HPSE2: variants seen among roughly 807,000 people sequenced by gnomAD.
HPSE2 encodes inactive heparanase-2.
In HPSE2, 38 loss-of-function variants were observed where a neutral mutation model predicts 60.5. The observed-to-expected ratio is 0.63, with a 90% CI of 0.48 to 0.82. HPSE2 has a LOEUF of 0.82. HPSE2 is among the 40% of genes least tolerant of loss of function. The probability of loss-of-function intolerance (pLI) is 0.00; values close to 1 mark genes in which losing one functional copy is unlikely to be tolerated. For synonymous variants in HPSE2, 295 were observed against 293.2 expected (o/e 1.01, Z -0.06); for missense variants, 713 against 740.4 (o/e 0.96, Z 0.43).
chr10:98,499,417 T>C (rs1941957602), intron 9 of HPSE2, among the ~76,000 whole-genome samples: 1 of 152,146 alleles, frequency 6.6e-6, no homozygotes, highest in Admixed American at 6.6e-5. Context: ...TCATATATGA[T>C]GGAAAAATAC....
intron 3 of HPSE2, among the ~76,000 whole-genome samples, chr10:98,939,886 C>G (rs1219225879): frequency 6.9e-6 from 1 of 144,004 alleles, no homozygotes; most frequent in Non-Finnish European, 1.5e-5. Flanking sequence ...AACTGTCTCT[C>G]AGACCACAGT....
chr10:98,551,814 C>T (rs1943872712), intron 9 of HPSE2, among the ~76,000 whole-genome samples: 1 of 152,136 alleles, frequency 6.6e-6, no homozygotes, highest in Non-Finnish European at 1.5e-5. Flanking sequence ...CTAATTGATA[C>T]AGCACTGTAT....
chr10:99,013,384 T>C (rs1589516503), intron 3 of HPSE2: 2 of 564,286 alleles, frequency 3.5e-6, no homozygotes, highest in East Asian at 8.1e-5. Flanking sequence ...ATACAGACTC[T>C]GTGTTAGTAT....
intron 9 of HPSE2, among the ~76,000 whole-genome samples, chr10:98,493,739 C>A (rs1941736795): frequency 4.6e-5 from 7 of 152,068 alleles, no homozygotes; most frequent in Admixed American, 3.3e-4. Flanking sequence ...CTTTTAAAAT[C>A]TTTTCTGCCA....
At chr10:98,844,928 T>C (rs1009797094) in intron 3 of HPSE2, among the ~76,000 whole-genome samples, 1 of 152,212 alleles carries the variant, frequency 6.6e-6, no homozygotes, top group African/African-American at 2.4e-5. Flanking sequence ...CGCTCTTCCA[T>C]TAGCAAATTA....
chr10:99,066,453 T>C (rs1842621330), intron 3 of HPSE2, among the ~76,000 whole-genome samples: 1 of 152,106 alleles, frequency 6.6e-6, no homozygotes, highest in African/African-American at 2.4e-5. Context: ...ATGATGCTAA[T>C]AAAAACATAT....
chr10:99,243,128 C>A, the HPSE2 span, among the ~76,000 whole-genome samples: 2 of 152,000 alleles, frequency 1.3e-5, no homozygotes, highest in South Asian at 4.2e-4. Context: ...CTGAGGCAGG[C>A]GGATCACGAG....
chr10:98,564,243 G>A (rs1382024700), intron 9 of HPSE2, among the ~76,000 whole-genome samples: 1 of 152,136 alleles, frequency 6.6e-6, no homozygotes, highest in East Asian at 1.9e-4. Flanking sequence ...GAGAGCGTAG[G>A]CTCTAGATCC....
At chr10:99,000,171 T>C (rs1397537700) in intron 3 of HPSE2, among the ~76,000 whole-genome samples, 2 of 152,084 alleles carry the variant, frequency 1.3e-5, no homozygotes, top group East Asian at 1.9e-4. Context: ...TTACTGGCTA[T>C]GGAAAACAAG....
chr10:99,065,010 A>G (rs991504280), intron 3 of HPSE2, among the ~76,000 whole-genome samples: 2 of 152,182 alleles, frequency 1.3e-5, no homozygotes, highest in African/African-American at 4.8e-5. Flanking sequence ...TTCCTAGAAC[A>G]TGAAGCTTTC....
intron 3 of HPSE2, among the ~76,000 whole-genome samples, chr10:98,831,266 G>A (rs1951677460): frequency 6.6e-6 from 1 of 152,084 alleles, no homozygotes; most frequent in African/African-American, 2.4e-5. Context: ...TTTGCAGGAG[G>A]GTGTAGTCCT....
At chr10:98,537,812 C>T (rs1450928463) in intron 9 of HPSE2, among the ~76,000 whole-genome samples, 2 of 152,244 alleles carry the variant, frequency 1.3e-5, no homozygotes, top group Non-Finnish European at 2.9e-5. Context: ...CTGCAGTCAT[C>T]CGGAGGCCTA....
At chr10:98,624,576 C>T (rs1188993867) in intron 7 of HPSE2, among the ~76,000 whole-genome samples, 1 of 152,086 alleles carries the variant, frequency 6.6e-6, no homozygotes, top group Admixed American at 6.5e-5. Flanking sequence ...GTAAAGATCC[C>T]TGCAGCTGCT....
intron 3 of HPSE2, among the ~76,000 whole-genome samples, chr10:99,099,218 G>T (rs905718860): frequency 2.0e-5 from 3 of 152,236 alleles, no homozygotes; most frequent in Admixed American, 2.0e-4. Flanking sequence ...GCAAGTGCAA[G>T]GGGTCAGGGA....
intron 3 of HPSE2, among the ~76,000 whole-genome samples, chr10:99,143,212 A>G (rs1227624579): frequency 6.6e-6 from 1 of 152,192 alleles, no homozygotes. Context: ...GCCACATTTA[A>G]GTCTGGCTTT....
At chr10:98,558,606 T>A (rs1164325054) in intron 9 of HPSE2, among the ~76,000 whole-genome samples, 1 of 152,296 alleles carries the variant, frequency 6.6e-6, no homozygotes, top group Middle Eastern at 3.4e-3. Flanking sequence ...CAGACAGCAA[T>A]GACTAGAAGG....
intron 3 of HPSE2, among the ~76,000 whole-genome samples, chr10:98,859,409 C>T (rs1024630317): frequency 6.6e-6 from 1 of 152,102 alleles, no homozygotes; most frequent in South Asian, 2.1e-4. Context: ...GAGGGTGTTT[C>T]TGGAAGAGAT....
At chr10:98,853,551 A>T (rs1952233935) in intron 3 of HPSE2, among the ~76,000 whole-genome samples, 1 of 151,954 alleles carries the variant, frequency 6.6e-6, no homozygotes, top group East Asian at 1.9e-4. Flanking sequence ...TTTTCCGCAC[A>T]TATCATTAGG....
upstream of HPSE2, among the ~76,000 whole-genome samples, chr10:99,237,065 C>G (rs1849875853): frequency 6.6e-6 from 1 of 152,126 alleles, no homozygotes; most frequent in South Asian, 2.1e-4. Flanking sequence ...ATGCACGACC[C>G]GCCGCTGCTC....
Sources: allele counts gnomAD v4.1 joint callset (sites outside exome capture counted in the v4.1 genomes callset), GRCh38; gene constraint gnomAD v4.1.1; transcripts MANE v1.5; gene names NCBI Gene and HGNC (gene_info 2026-07-23, HGNC 2026-07-21).